MITF: variants seen among roughly 807,000 people sequenced by gnomAD.
MITF encodes microphthalmia-associated transcription factor.
A neutral mutation model predicts 60.5 loss-of-function variants in MITF; 17 were observed. The ratio of observed to expected loss-of-function variants is 0.28; its 90% confidence interval spans 0.19 to 0.42. The LOEUF (loss-of-function observed/expected upper bound fraction) is 0.42, where lower values mean the gene tolerates loss of function less well. Among genes scored for constraint, MITF ranks in the 10% least tolerant of loss-of-function variants. The pLI is 1.00. For missense variants in MITF, 622 were observed against 683.5 expected (o/e 0.91, Z 1.00); for synonymous variants, 260 against 248.5 (o/e 1.05, Z -0.43).
At chr3:69,900,747 G>A (rs1453139214) in intron 2 of MITF, among the ~76,000 whole-genome samples, 2 of 152,130 alleles carry the variant, frequency 1.3e-5, no homozygotes, top group Admixed American at 1.3e-4. Context: ...AAAGTAACAT[G>A]TTTAAGGCAA....
intron 1 of MITF, among the ~76,000 whole-genome samples, chr3:69,753,431 C>T (rs1704010760): frequency 6.6e-6 from 1 of 152,236 alleles, no homozygotes; most frequent in Non-Finnish European, 1.5e-5. Context: ...GTTGGAGCCC[C>T]TACACAGAGT....
chr3:69,748,728 T>C (rs1217602817), intron 1 of MITF, among the ~76,000 whole-genome samples: 1 of 152,194 alleles, frequency 6.6e-6, no homozygotes, highest in Non-Finnish European at 1.5e-5. Flanking sequence ...CAAAGTGGGG[T>C]AACTTGCTGA....
At chr3:69,926,604 G>T (rs1575978752) in intron 2 of MITF, among the ~76,000 whole-genome samples, 1 of 152,256 alleles carries the variant, frequency 6.6e-6, no homozygotes, top group East Asian at 1.9e-4. Context: ...CTGAGGCAGG[G>T]CTAAACTGGG....
chr3:69,866,927 G>A (rs2064127676), intron 1 of MITF, among the ~76,000 whole-genome samples: 1 of 151,316 alleles, frequency 6.6e-6, no homozygotes, highest in African/African-American at 2.4e-5. Context: ...TCTTGGAAGG[G>A]GAAACAGACA....
chr3:69,822,055 T>C (rs1254550128), intron 1 of MITF, among the ~76,000 whole-genome samples: 2 of 152,222 alleles, frequency 1.3e-5, no homozygotes, highest in African/African-American at 2.4e-5. Context: ...AACTGGATTT[T>C]CTTGATAGTC....
intron 1 of MITF, among the ~76,000 whole-genome samples, chr3:69,877,372 A>G (rs1289265711): frequency 6.6e-6 from 1 of 152,088 alleles, no homozygotes; most frequent in African/African-American, 2.4e-5. Flanking sequence ...AGTGTTGTTA[A>G]GCTGTTTTAA....
At chr3:69,922,598 T>C (rs2065492974) in intron 2 of MITF, among the ~76,000 whole-genome samples, 1 of 152,188 alleles carries the variant, frequency 6.6e-6, no homozygotes, top group Admixed American at 6.5e-5. Context: ...TCTTGACATT[T>C]CTCTTCTTCC....
chr3:69,863,366 T>G (rs529150593), intron 1 of MITF, among the ~76,000 whole-genome samples: 4 of 152,300 alleles, frequency 2.6e-5, no homozygotes, highest in African/African-American at 9.6e-5. Flanking sequence ...CCAAGAAGGT[T>G]CCCTTAGAAC....
At chr3:69,791,972 G>A (rs1336398460) in intron 1 of MITF, among the ~76,000 whole-genome samples, 1 of 152,184 alleles carries the variant, frequency 6.6e-6, no homozygotes, top group African/African-American at 2.4e-5. Flanking sequence ...TTCTGGGAAT[G>A]AGACTTGGAT....
At position 69,814,123 on chromosome 3, in the gene MITF, TA is replaced by T. The variant is rs916320270; in HGVS notation, c.105-64999del. 2.7e-3 allele frequency among the ~76,000 whole-genome samples: 382 copies of T among 142,952 alleles called. 3 individuals carry two copies. Among genetic ancestry groups the T allele is most frequent in the African/African-American group, 7.7e-3 (301 of 38,882 alleles). 93.8% of individuals were successfully genotyped at this position (142,952 alleles called of 152,430 possible). A position where few individuals can be genotyped will look rare whatever the true frequency, so the allele number is the denominator to read the frequency against. ...TCCTTTTCGACCTATTTCCTGTTTA[TA>T]AAAAAAAAAAAGTGCAACTCTCTGC... On this transcript the variant is annotated intron_variant, in intron 1 of 9. Transcript: ENST00000352241.
chr3:69,749,398 T>C (rs1703844911), intron 1 of MITF, among the ~76,000 whole-genome samples: 1 of 152,246 alleles, frequency 6.6e-6, no homozygotes, highest in Non-Finnish European at 1.5e-5. Context: ...TTAGTTTTGC[T>C]CTGCTGTATT....
At chr3:69,758,063 TCCA>T (rs1348391860) in intron 1 of MITF, among the ~76,000 whole-genome samples, 2 of 136,580 alleles carry the variant, frequency 1.5e-5, no homozygotes, top group Non-Finnish European at 3.1e-5. Flanking sequence ...AATACTCTCT[TCCA>T]CCACTCATAA....
chr3:69,765,565 A>G (rs1306219272), intron 1 of MITF, among the ~76,000 whole-genome samples: 2 of 152,196 alleles, frequency 1.3e-5, no homozygotes, highest in Non-Finnish European at 2.9e-5. Context: ...CTCATTTTTA[A>G]AAAGAAAAAT....
chr3:69,941,780 C>A (rs1490895353), intron 5 of MITF, among the ~76,000 whole-genome samples: 1 of 152,172 alleles, frequency 6.6e-6, no homozygotes, highest in African/African-American at 2.4e-5. Flanking sequence ...AAAATCTATT[C>A]CAACCTCAGT....
At chr3:69,905,738 C>T (rs1470836862) in intron 2 of MITF, among the ~76,000 whole-genome samples, 2 of 151,822 alleles carry the variant, frequency 1.3e-5, no homozygotes, top group Admixed American at 6.6e-5. Context: ...TTTGCATTTC[C>T]CTAATGACTG....
intron 1 of MITF, among the ~76,000 whole-genome samples, chr3:69,842,589 G>T (rs1438347507): frequency 1.3e-5 from 2 of 152,226 alleles, no homozygotes; most frequent in African/African-American, 4.8e-5. Context: ...GATGTTTGAA[G>T]TGTGTGCTTG....
chr3:69,939,227 A>G (rs1452163541), intron 4 of MITF, 46 bp downstream of exon 4: 4 of 1,541,376 alleles, frequency 2.6e-6, no homozygotes, highest in Non-Finnish European at 3.6e-6. Context: ...TTGTAATGAG[A>G]ATCTATATTT....
At chr3:69,935,550 T>A (rs1475742429) in intron 2 of MITF, among the ~76,000 whole-genome samples, 1 of 152,196 alleles carries the variant, frequency 6.6e-6, no homozygotes, top group Non-Finnish European at 1.5e-5. Flanking sequence ...AACCTCTGTG[T>A]ACATATTAAA....
intron 1 of MITF, among the ~76,000 whole-genome samples, chr3:69,755,452 T>G (rs1704108159): frequency 7.2e-6 from 1 of 138,024 alleles, no homozygotes; most frequent in Non-Finnish European, 1.6e-5. Flanking sequence ...TTTTTTTTTT[T>G]TTTTTTTTTT....
Sources: gnomAD v4.1 joint callset for allele counts (sites outside exome capture counted in the v4.1 genomes callset) on GRCh38, gnomAD v4.1.1 for gene constraint, MANE v1.5 for transcripts, NCBI Gene and HGNC (gene_info 2026-07-23, HGNC 2026-07-21) for gene names.